The following RBFOX1 variants were observed in gnomAD, a reference collection of about 807,000 sequenced individuals.
The protein encoded by RBFOX1 is RNA binding protein fox-1 homolog 1.
RBFOX1 carries 8 observed loss-of-function variants against 57.7 expected under a neutral mutation model. The ratio of observed to expected loss-of-function variants is 0.14; its 90% confidence interval spans 0.08 to 0.25. The LOEUF (loss-of-function observed/expected upper bound fraction) is 0.25. RBFOX1 is among the 10% of genes least tolerant of loss of function. The pLI is 1.00. For missense variants in RBFOX1, 611 were observed against 548.5 expected, an observed-to-expected ratio of 1.11 and a Z score of -1.14; for synonymous variants, 326 against 222.4, an observed-to-expected ratio of 1.47 and a Z score of -4.15.
At position 5,967,002 on chromosome 16, in the gene RBFOX1, G is replaced by GGGGT. The variant is rs796981395; in HGVS notation, c.351+99669_351+99670insGTGG. On this transcript the variant is annotated intron_variant, in intron 4 of 19. Coordinates refer to the RBFOX1 transcript ENST00000641259. ...TTCTTGCACTAAATCGGGGGGGGGG[G>GGGGT]GGTCAATAAATGATAGCTCAGGTGC... is the stretch of plus-strand genomic sequence containing the variant. 6.5e-3 allele frequency among the ~76,000 whole-genome samples: 676 copies of GGGGT among 103,800 alleles called. 29 individuals carry two copies. Among genetic ancestry groups the GGGGT allele is most frequent in the East Asian group, 0.026 (75 of 2,920 alleles). The allele number at this position is 103,800 out of a possible 152,430, so 68.1% of individuals were successfully genotyped here.
chr16:5,264,212 C>T (rs1185126107), intron 1 of RBFOX1, among the ~76,000 whole-genome samples: 1 of 151,950 alleles, frequency 6.6e-6, no homozygotes, highest in East Asian at 1.9e-4. Flanking sequence ...GTCTCGGGGC[C>T]AGAGAGCTTT....
At chr16:6,951,300 T>C (rs2080710826) in intron 3 of RBFOX1, among the ~76,000 whole-genome samples, 1 of 152,194 alleles carries the variant, frequency 6.6e-6, no homozygotes, top group Non-Finnish European at 1.5e-5. Flanking sequence ...TTCAGCTGTC[T>C]GTAGGCTGGA....
intron 4 of RBFOX1, among the ~76,000 whole-genome samples, chr16:5,868,612 A>T (rs943173181): frequency 1.3e-5 from 2 of 152,146 alleles, no homozygotes; most frequent in Non-Finnish European, 2.9e-5. Context: ...TTGGTGTGCA[A>T]AGGTTTTCCA....
intron 4 of RBFOX1, among the ~76,000 whole-genome samples, chr16:7,195,786 C>T (rs1001770255): frequency 2.1e-4 from 32 of 152,182 alleles, no homozygotes; most frequent in African/African-American, 7.5e-4. Context: ...CTCCTGACCT[C>T]AGGTAATCTG....
intron 4 of RBFOX1, among the ~76,000 whole-genome samples, chr16:6,003,807 G>A (rs9925260): frequency 6.6e-6 from 1 of 152,160 alleles, no homozygotes; most frequent in Non-Finnish European, 1.5e-5. Flanking sequence ...GGTCAAATGA[G>A]TGAGGAGGGT....
intron 1 of RBFOX1, among the ~76,000 whole-genome samples, chr16:5,397,545 A>G (rs1052792245): frequency 4.6e-5 from 7 of 152,204 alleles, no homozygotes; most frequent in Non-Finnish European, 1.0e-4. Context: ...GCCCTGCTAA[A>G]GACACTGATT....
At chr16:6,872,034 G>T (rs1354122071) in intron 3 of RBFOX1, among the ~76,000 whole-genome samples, 1 of 151,820 alleles carries the variant, frequency 6.6e-6, no homozygotes, top group South Asian at 2.1e-4. Context: ...ATGATTGTGT[G>T]TAGGTATCGT....
At chr16:6,286,207 A>G (rs188400846) in intron 1 of RBFOX1, among the ~76,000 whole-genome samples, 1 of 151,934 alleles carries the variant, frequency 6.6e-6, no homozygotes, top group East Asian at 1.9e-4. Flanking sequence ...TCCATTTTTA[A>G]CCCCCCATCC....
exon 3 of RBFOX1, chr16:5,599,384 C>T (rs894881587): frequency 1.2e-5 from 7 of 593,002 alleles, no homozygotes; most frequent in African/African-American, 1.9e-5. Context: ...TGGGGTCCTG[C>T]ATCATGGCAT....
intron 1 of RBFOX1, among the ~76,000 whole-genome samples, chr16:6,218,780 T>G (rs2097352614): frequency 6.6e-6 from 1 of 152,068 alleles, no homozygotes; most frequent in South Asian, 2.1e-4. Flanking sequence ...TCAGATATTT[T>G]ATCTGCTAAA....
At chr16:6,789,908 G>C (rs564614995) in intron 3 of RBFOX1, among the ~76,000 whole-genome samples, 175 of 151,564 alleles carry the variant, frequency 1.2e-3, no homozygotes, top group Non-Finnish European at 1.8e-3. Flanking sequence ...ATATGATTTG[G>C]TTTATTAATT....
chr16:6,093,293 G>T (rs1256727505), intron 1 of RBFOX1, among the ~76,000 whole-genome samples: 1 of 152,126 alleles, frequency 6.6e-6, no homozygotes, highest in Non-Finnish European at 1.5e-5. Flanking sequence ...TTAAATCATA[G>T]CCAGGTGCAG....
At chr16:5,732,767 G>C (rs543569451) in intron 3 of RBFOX1, among the ~76,000 whole-genome samples, 3 of 152,192 alleles carry the variant, frequency 2.0e-5, no homozygotes, top group African/African-American at 7.2e-5. Flanking sequence ...CAGGTCCTAG[G>C]GGAGGACAGT....
At chr16:6,751,962 A>G (rs1171559952) in intron 3 of RBFOX1, among the ~76,000 whole-genome samples, 1 of 152,144 alleles carries the variant, frequency 6.6e-6, no homozygotes. Flanking sequence ...TTGAGATTTT[A>G]TGTCCTTGCC....
intron 4 of RBFOX1, among the ~76,000 whole-genome samples, chr16:7,232,566 C>T (rs1313329092): frequency 3.3e-5 from 5 of 152,068 alleles, no homozygotes; most frequent in African/African-American, 1.2e-4. Context: ...ACAGGCCAGG[C>T]ATAAGCGGCT....
In RBFOX1 at chr16:5,905,656, C is replaced by G. The variant is rs533878727; in HGVS notation, c.351+38321C>G. On this transcript the variant is annotated intron_variant, in intron 4 of 19. Transcript: ENST00000641259. ...GCTGCAGTACGCTGTGAACATACCACTCCACTCCAGCCAGAGGGAGACCCT... is the reference window on the plus strand; with the variant it reads ...GCTGCAGTACGCTGTGAACATACCAGTCCACTCCAGCCAGAGGGAGACCCT... Among the ~76,000 whole-genome samples the G allele has an allele frequency of 9.9e-5, 15 of 152,252 alleles. 2 individuals carry two copies. The highest frequency in any genetic ancestry group is 3.4e-4 in the African/African-American group (14 of 41,548).
At chr16:5,565,431 G>A (rs1163507037) in intron 2 of RBFOX1, among the ~76,000 whole-genome samples, 2 of 152,010 alleles carry the variant, frequency 1.3e-5, no homozygotes, top group Non-Finnish European at 2.9e-5. Flanking sequence ...TTCAAAAGCA[G>A]CCTGACCAAC....
intron 2 of RBFOX1, among the ~76,000 whole-genome samples, chr16:6,379,442 G>C: frequency 6.6e-6 from 1 of 152,080 alleles, no homozygotes; most frequent in South Asian, 2.1e-4. Context: ...TTGTCTCAGT[G>C]AACTATATCG....
intron 4 of RBFOX1, among the ~76,000 whole-genome samples, chr16:7,313,182 C>A (rs900825399): frequency 6.6e-5 from 10 of 152,212 alleles, no homozygotes; most frequent in African/African-American, 2.2e-4. Flanking sequence ...TTGGATCTAT[C>A]TATTGTCTCT....
Sources: gnomAD v4.1 joint callset for allele counts (sites outside exome capture counted in the v4.1 genomes callset) on GRCh38, gnomAD v4.1.1 for gene constraint, MANE v1.5 for transcripts, NCBI Gene and HGNC (gene_info 2026-07-23, HGNC 2026-07-21) for gene names.